PCDHA10: variants seen among roughly 807,000 people sequenced by gnomAD.
The protein encoded by PCDHA10 is protocadherin alpha 10, also known as protocadherin alpha-10.
A neutral mutation model predicts 61.2 loss-of-function variants in PCDHA10; 45 were observed. The ratio of observed to expected loss-of-function variants is 0.74; its 90% CI spans 0.58 to 0.94. The LOEUF (loss-of-function observed/expected upper bound fraction) is 0.94, where lower values mean the gene tolerates loss of function less well. PCDHA10 is among the 40% of genes least tolerant of loss of function. PCDHA10 has a pLI of 0.00. For synonymous variants in PCDHA10, 602 were observed against 548.8 expected, an observed-to-expected ratio of 1.10 and a Z score of -1.35; for missense variants, 1,278 against 1,236.2, an observed-to-expected ratio of 1.03 and a Z score of -0.51.
intron 3 of PCDHA10, among the ~76,000 whole-genome samples, chr5:140,994,698 C>G (rs1238723224): frequency 6.6e-6 from 1 of 151,898 alleles, no homozygotes; most frequent in Non-Finnish European, 1.5e-5. Context: ...GAATGAGACC[C>G]TGTCTCAAAA....
chr5:140,877,625 A>T (rs1554169929), intron 1 of PCDHA10: 1 of 1,613,774 alleles, frequency 6.2e-7, no homozygotes, highest in Non-Finnish European at 8.5e-7. Context: ...CTGCTGCTGT[A>T]CACTGCGCTG....
intron 1 of PCDHA10, among the ~76,000 whole-genome samples, chr5:140,970,926 G>A (rs1179837731): frequency 6.6e-6 from 1 of 152,154 alleles, no homozygotes; most frequent in Non-Finnish European, 1.5e-5. Flanking sequence ...AGAAGTGCCT[G>A]GTGTTAGTCA....
At chr5:140,882,105 A>G in intron 1 of PCDHA10, 1 of 1,349,526 alleles carries the variant, frequency 7.4e-7, no homozygotes, top group Admixed American at 2.5e-5. Flanking sequence ...GTTTCCGCGA[A>G]GAAAGCCGCC....
intron 1 of PCDHA10, chr5:140,877,093 G>T (rs2056846978): frequency 6.2e-7 from 1 of 1,613,178 alleles, no homozygotes; most frequent in African/African-American, 1.3e-5. Context: ...GCGCGACGCC[G>T]GCGTGCCGCC....
intron 1 of PCDHA10, among the ~76,000 whole-genome samples, chr5:140,890,676 C>T (rs1377876863): frequency 3.3e-5 from 5 of 152,164 alleles, no homozygotes; most frequent in African/African-American, 1.2e-4. Flanking sequence ...AACCCTTCCT[C>T]CTTCTGGGAA....
At chr5:140,942,996 C>T (rs1294135098) in intron 1 of PCDHA10, among the ~76,000 whole-genome samples, 1 of 151,798 alleles carries the variant, frequency 6.6e-6, no homozygotes, top group South Asian at 2.1e-4. Context: ...GTGGCTCATG[C>T]CTGTAATCCC....
At chr5:140,990,025 T>C (rs2097371572) in intron 3 of PCDHA10, among the ~76,000 whole-genome samples, 1 of 151,914 alleles carries the variant, frequency 6.6e-6, no homozygotes, top group African/African-American at 2.4e-5. Flanking sequence ...AGGCAAAGGA[T>C]GGGAGAAGTC....
intron 1 of PCDHA10, chr5:140,870,020 C>CT (rs2051592109): frequency 6.2e-7 from 1 of 1,613,394 alleles, no homozygotes; most frequent in Admixed American, 1.7e-5. Context: ...GTCAATGGAA[C>CT]TTTAGATTAT....
chr5:140,881,039 A>G (rs1554171692), intron 1 of PCDHA10, among the ~76,000 whole-genome samples: 1 of 152,262 alleles, frequency 6.6e-6, no homozygotes, highest in Non-Finnish European at 1.5e-5. Context: ...CATTTCCTAT[A>G]GAGTTGTGCA....
chr5:140,876,524 T>C (rs2056397184), intron 1 of PCDHA10: 1 of 1,614,018 alleles, frequency 6.2e-7, no homozygotes, highest in African/African-American at 1.3e-5. Flanking sequence ...CCTGAAGTAA[T>C]GGTTACTTCA....
chr5:140,960,541 C>T (rs1200507322), intron 1 of PCDHA10, among the ~76,000 whole-genome samples: 1 of 151,924 alleles, frequency 6.6e-6, no homozygotes, highest in Non-Finnish European at 1.5e-5. Context: ...GAAACTGTGG[C>T]CTTCATATAG....
chr5:140,918,494 G>A (rs1252984580), intron 1 of PCDHA10, among the ~76,000 whole-genome samples: 2 of 152,098 alleles, frequency 1.3e-5, no homozygotes, highest in Non-Finnish European at 2.9e-5. Context: ...GCTTTGGATG[G>A]TACCAATCCT....
chr5:140,873,568 G>T (rs1319513835), intron 1 of PCDHA10, among the ~76,000 whole-genome samples: 1 of 149,090 alleles, frequency 6.7e-6, no homozygotes, highest in East Asian at 1.9e-4. Context: ...TTTCTAGTTT[G>T]GTTGTTTAAG....
intron 1 of PCDHA10, among the ~76,000 whole-genome samples, chr5:140,902,478 T>C (rs190206747): frequency 6.6e-6 from 1 of 152,312 alleles, no homozygotes; most frequent in African/African-American, 2.4e-5. Context: ...AGTTTTTGCC[T>C]GCTCAGTATG....
At chr5:140,910,074 G>T (rs2074869064) in intron 1 of PCDHA10, among the ~76,000 whole-genome samples, 1 of 152,162 alleles carries the variant, frequency 6.6e-6, no homozygotes, top group South Asian at 2.1e-4. Context: ...AGCGTAAATT[G>T]TTGTCAAGGG....
chr5:140,892,498 T>G (rs937078713), intron 1 of PCDHA10, among the ~76,000 whole-genome samples: 3 of 152,232 alleles, frequency 2.0e-5, no homozygotes, highest in Non-Finnish European at 4.4e-5. Flanking sequence ...AGAGATTGTT[T>G]AAGAAGTTCC....
rs138821024 is a variant in PCDHA10, at chr5:140,968,111, C to T, written c.2389-10838C>T. ...AGCCACAGATGGGGGAATACCGCAG[C>T]TCACATCCCTGCGTACACTGAAGGT... On this transcript the variant is annotated intron_variant, in intron 1 of 3. Transcript: ENST00000307360. 533 of 1,614,062 alleles carry T rather than the reference C, an allele frequency of 3.3e-4. 1 individual carries two copies. The highest frequency in any genetic ancestry group is 4.1e-4 in the Non-Finnish European group (489 of 1,180,052).
intron 1 of PCDHA10, among the ~76,000 whole-genome samples, chr5:140,963,199 A>G (rs955651383): frequency 6.6e-6 from 1 of 152,092 alleles, no homozygotes; most frequent in Non-Finnish European, 1.5e-5. Flanking sequence ...TGAAAATGAA[A>G]AAAAAAACCT....
chr5:140,914,777 C>T (rs1476693090), intron 1 of PCDHA10, among the ~76,000 whole-genome samples: 1 of 151,924 alleles, frequency 6.6e-6, no homozygotes, highest in Non-Finnish European at 1.5e-5. Flanking sequence ...TATGACTTAT[C>T]TTATGACCCA....
Sources: gnomAD v4.1 joint callset for allele counts (sites outside exome capture counted in the v4.1 genomes callset) on GRCh38, gnomAD v4.1.1 for gene constraint, MANE v1.5 for transcripts, NCBI Gene and HGNC (gene_info 2026-07-23, HGNC 2026-07-21) for gene names.